Variants in FOXO3 observed in about 807,000 individuals in gnomAD.
FOXO3 encodes the protein forkhead box protein O3.
FOXO3 carries 4 observed loss-of-function variants against 41.9 expected under a neutral mutation model. The ratio of observed to expected loss-of-function variants is 0.10; its 90% CI spans 0.05 to 0.22. The LOEUF (loss-of-function observed/expected upper bound fraction) is 0.22. Ranked by LOEUF, FOXO3 falls within the 10% of genes least tolerant of loss-of-function variation. The probability of loss-of-function intolerance (pLI) is 1.00; values close to 1 mark genes in which losing one functional copy is unlikely to be tolerated. For missense variants in FOXO3, 534 were observed against 906.8 expected (o/e 0.59, Z 5.28); for synonymous variants, 318 against 389.3 (o/e 0.82, Z 2.16).
At chr6:108,574,111 C>T (rs1263509311) in intron 1 of FOXO3, among the ~76,000 whole-genome samples, 2 of 150,880 alleles carry the variant, frequency 1.3e-5, no homozygotes, top group East Asian at 3.9e-4. Flanking sequence ...TGAGATCACG[C>T]CACTGCACTT....
At chr6:108,675,007 A>G (rs964257781) in intron 2 of FOXO3, among the ~76,000 whole-genome samples, 1 of 152,172 alleles carries the variant, frequency 6.6e-6, no homozygotes, top group African/African-American at 2.4e-5. Context: ...AATACCTGTC[A>G]TATTTCTGCC....
At chr6:108,581,546 A>C (rs1776420751) in intron 1 of FOXO3, among the ~76,000 whole-genome samples, 1 of 152,188 alleles carries the variant, frequency 6.6e-6, no homozygotes, top group Non-Finnish European at 1.5e-5. Flanking sequence ...AAGCAGATTT[A>C]CTTTCAGTTT....
At chr6:108,563,845 C>T (rs1430031040) in intron 1 of FOXO3, among the ~76,000 whole-genome samples, 3 of 151,922 alleles carry the variant, frequency 2.0e-5, no homozygotes, top group Non-Finnish European at 2.9e-5. Flanking sequence ...AAAGTAGCCG[C>T]GAATTGAGAT....
At position 108,616,064 on chromosome 6, in the gene FOXO3, T is replaced by G. The variant is rs1777498081; in HGVS notation, c.622-47391T>G. Among the ~76,000 whole-genome samples the G allele has an allele frequency of 4.6e-5, 7 of 151,774 alleles. No individual in the cohort carries two copies. In the South Asian group the frequency reaches 1.5e-3, roughly 32 times the overall value. On this transcript the variant is annotated intron_variant, in intron 1 of 2. Transcript: ENST00000406360. ...GTGCAATGGCGCAATCTTGGCTCAT[T>G]GCAACCTCTGTCTCCCCAGTTCAAG...
At chr6:108,565,018 T>C (rs890200031) in intron 1 of FOXO3, among the ~76,000 whole-genome samples, 1 of 152,208 alleles carries the variant, frequency 6.6e-6, no homozygotes, top group Non-Finnish European at 1.5e-5. Context: ...AAAGGTCATT[T>C]GCTAGGTAAT....
chr6:108,617,941 G>A (rs1427569904), intron 1 of FOXO3: 7 of 463,378 alleles, frequency 1.5e-5, no homozygotes, highest in Non-Finnish European at 2.4e-5. Context: ...TTTTCTACTT[G>A]AGAAGGTAAT....
At chr6:108,563,830 T>TA (rs1775881519) in intron 1 of FOXO3, among the ~76,000 whole-genome samples, 3 of 152,202 alleles carry the variant, frequency 2.0e-5, no homozygotes. Context: ...ATAATGGTAT[T>TA]ACCAAAAGTA....
chr6:108,677,603 G>A (rs1018315176), intron 2 of FOXO3, among the ~76,000 whole-genome samples: 3 of 152,180 alleles, frequency 2.0e-5, no homozygotes, highest in Admixed American at 6.5e-5. Flanking sequence ...CTCCCTCGGC[G>A]CTTACAGTAA....
Position 108,561,809 on chromosome 6 carries a change from A to C in FOXO3, c.601A>C (p.Asn201His). 6.3e-7 allele frequency: 1 copy of C among 1,587,800 alleles called. No individual in the cohort carries two copies. The highest frequency in any genetic ancestry group is 8.6e-7 in the Non-Finnish European group (1 of 1,167,940). Residue 201 changes from asparagine to histidine, a missense_variant, in exon 1 of 3, where the codon AAC becomes CAC. Physicochemically the swap from Asn to His is moderately conservative, Grantham distance 68 (BLOSUM62 1). Around this residue, in one of 8 missense-constraint regions of FOXO3, gnomAD observed 77 missense variants for 193.2 expected, o/e 0.40. Transcript: ENST00000406360. ...CTACTTCAAGGATAAGGGCGACAGC[A>C]ACAGCTCTGCCGGCTGGAAGGTGCG... ...VPYFKDKGDS[N>H]SSAGWKNSIR...
intron 1 of FOXO3, among the ~76,000 whole-genome samples, chr6:108,587,596 G>A (rs1776616623): frequency 6.6e-6 from 1 of 152,280 alleles, no homozygotes; most frequent in South Asian, 2.1e-4. Context: ...TGAGAGCCCC[G>A]GCTCAGTGTT....
chr6:108,612,895 A>G (rs1176362699), intron 1 of FOXO3, among the ~76,000 whole-genome samples: 1 of 152,154 alleles, frequency 6.6e-6, no homozygotes, highest in South Asian at 2.1e-4. Context: ...AGTTTGTCAC[A>G]TATTTCCTTT....
chr6:108,622,023 G>A (rs894971807), intron 1 of FOXO3, among the ~76,000 whole-genome samples: 3 of 152,038 alleles, frequency 2.0e-5, no homozygotes, highest in Non-Finnish European at 4.4e-5. Context: ...AGGCCAAGGC[G>A]GGTGGATCAC....
chr6:108,644,291 T>G (rs368533455), intron 1 of FOXO3, among the ~76,000 whole-genome samples: 3 of 152,230 alleles, frequency 2.0e-5, no homozygotes, highest in East Asian at 3.8e-4. Flanking sequence ...ACAGAGATAG[T>G]ACGTATGAAA....
rs1582848065 is a variant in FOXO3, at chr6:108,681,678, T to C, written c.*1886T>C. The C allele has an allele frequency of 6.6e-6, 1 of 152,046 alleles. No individual in the cohort carries two copies. The highest frequency in any genetic ancestry group is 1.5e-5 in the Non-Finnish European group (1 of 67,992). The allele number at this position is 152,046 out of a possible 1,614,324, so 9.4% of individuals were successfully genotyped here. ...ACTGAATCTGTAAATTGTTGTGCAA[T>C]TGTGGTTATAGTAGACTGTAGCACA... On this transcript the variant is annotated 3_prime_UTR_variant, in exon 3 of 3. Coordinates refer to ENST00000406360, the MANE Select transcript of FOXO3 (RefSeq NM_001455.4).
At chr6:108,631,025 G>A (rs988017611) in intron 1 of FOXO3, among the ~76,000 whole-genome samples, 2 of 152,032 alleles carry the variant, frequency 1.3e-5, no homozygotes, top group Non-Finnish European at 2.9e-5. Flanking sequence ...ATTTATTGTA[G>A]ACATTTTATA....
At chr6:108,656,443 G>A in intron 1 of FOXO3, 2 of 985,220 alleles carry the variant, frequency 2.0e-6, no homozygotes, top group South Asian at 4.7e-5. Context: ...TGACTGGCAC[G>A]GCACCTCTGA....
intron 1 of FOXO3, among the ~76,000 whole-genome samples, chr6:108,635,690 C>T (rs573561382): frequency 2.6e-5 from 4 of 152,168 alleles, no homozygotes; most frequent in African/African-American, 7.2e-5. Context: ...GCAGGGGTGG[C>T]GAAACGATTG....
Position 108,663,568 on chromosome 6 carries a change from A to G in FOXO3, c.735A>G (p.Lys245=). The part of the protein sequence containing the change: ...IINPDGGKSG[K]APRRRAVSMD... ...ACCCTGATGGGGGGAAGAGCGGAAA[A>G]GCCCCCCGGCGGCGGGCTGTCTCCA... The change falls in exon 2 of 3, where the codon AAA becomes AAG. Residue 245 remains lysine, a synonymous_variant. Coordinates refer to ENST00000406360, the MANE Select transcript of FOXO3 (RefSeq NM_001455.4). 2 of 1,613,698 alleles carry G rather than the reference A, an allele frequency of 1.2e-6. No homozygotes were observed. The highest frequency in any genetic ancestry group is 8.5e-7 in the Non-Finnish European group (1 of 1,179,740).
chr6:108,682,463 T>G lies in FOXO3; in HGVS notation c.*2671T>G, dbSNP rs1770899411. ...GTGTTGTGGAGAGCTGAGACCAGGG[T>G]AAAGTCAAGTGCAGCATCAGTACTG... is the stretch of plus-strand genomic sequence containing the variant. On this transcript the variant is annotated 3_prime_UTR_variant, in exon 3 of 3. Transcript: ENST00000406360. The G allele has an allele frequency of 6.6e-6, 1 of 152,168 alleles. No homozygotes were observed. The highest frequency in any genetic ancestry group is 2.4e-5 in the African/African-American group (1 of 41,410). 9.4% of individuals were successfully genotyped at this position (152,168 alleles called of 1,614,324 possible). A position where few individuals can be genotyped will look rare whatever the true frequency, so the allele number is the denominator to read the frequency against.
Sources: allele counts gnomAD v4.1 joint callset (sites outside exome capture counted in the v4.1 genomes callset), GRCh38; gene constraint gnomAD v4.1.1; regional missense constraint gnomAD v4.1.1; transcripts MANE v1.5; gene names NCBI Gene and HGNC (gene_info 2026-07-23, HGNC 2026-07-21).